PPARGC1A: variants seen among roughly 807,000 people sequenced by gnomAD.
PPARGC1A encodes the protein peroxisome proliferator-activated receptor gamma coactivator 1-alpha.
A neutral mutation model predicts 88.7 loss-of-function variants in PPARGC1A; 25 were observed. The ratio of observed to expected loss-of-function variants is 0.28; its 90% confidence interval spans 0.21 to 0.39. The LOEUF is 0.39. Ranked by LOEUF, PPARGC1A falls within the 10% of genes least tolerant of loss-of-function variation. The pLI, the probability that PPARGC1A is intolerant of heterozygous loss-of-function variation, is 1.00. For synonymous variants in PPARGC1A, 363 were observed against 355.6 expected (o/e 1.02, Z -0.24); for missense variants, 880 against 968.7 (o/e 0.91, Z 1.22).
At chr4:23,833,057 C>G (rs1022013038) in intron 2 of PPARGC1A, among the ~76,000 whole-genome samples, 17 of 152,168 alleles carry the variant, frequency 1.1e-4, no homozygotes, top group African/African-American at 3.9e-4. Context: ...CCAGGGACAT[C>G]TGAAGTGTGG....
chr4:24,010,782 C>T, the PPARGC1A span, among the ~76,000 whole-genome samples: 2 of 152,272 alleles, frequency 1.3e-5, no homozygotes, highest in South Asian at 4.1e-4. Flanking sequence ...CTCCTCTGAG[C>T]AGACTACATT....
chr4:23,846,047 G>A (rs1239486377), intron 2 of PPARGC1A, among the ~76,000 whole-genome samples: 1 of 152,134 alleles, frequency 6.6e-6, no homozygotes, highest in Non-Finnish European at 1.5e-5. Flanking sequence ...TAACCTCAAA[G>A]GGGGATTTTA....
At chr4:24,056,683 C>T in the PPARGC1A span, among the ~76,000 whole-genome samples, 1 of 152,142 alleles carries the variant, frequency 6.6e-6, no homozygotes, top group Middle Eastern at 3.2e-3. Flanking sequence ...ATGTCCTGAT[C>T]TGTAAAATGA....
At chr4:23,943,022 T>G in the PPARGC1A span, among the ~76,000 whole-genome samples, 1 of 152,208 alleles carries the variant, frequency 6.6e-6, no homozygotes, top group Non-Finnish European at 1.5e-5. Context: ...GCAGGAATAA[T>G]TGAAGCTTTT....
At chr4:23,910,350 A>ATAT in the PPARGC1A span, among the ~76,000 whole-genome samples, 206 of 64,016 alleles carry the variant, frequency 3.2e-3, 4 homozygotes, top group Non-Finnish European at 4.3e-3. Context: ...ATTATATATT[A>ATAT]TATATATTAT....
At chr4:24,223,870 T>C in the PPARGC1A span, among the ~76,000 whole-genome samples, 1 of 152,230 alleles carries the variant, frequency 6.6e-6, no homozygotes, top group Admixed American at 6.5e-5. Context: ...TTCCTTCACT[T>C]AGCATTCCAC....
chr4:23,981,715 G>A, the PPARGC1A span, among the ~76,000 whole-genome samples: 2 of 152,138 alleles, frequency 1.3e-5, no homozygotes, highest in South Asian at 2.1e-4. Context: ...ATTTCCCCAT[G>A]TGTGTACTAT....
At chr4:24,050,871 G>T in the PPARGC1A span, among the ~76,000 whole-genome samples, 2 of 152,046 alleles carry the variant, frequency 1.3e-5, no homozygotes, top group African/African-American at 2.4e-5. Context: ...ATTTTATTTA[G>T]AACCTAACCT....
At chr4:24,145,845 T>G in the PPARGC1A span, among the ~76,000 whole-genome samples, 1 of 152,180 alleles carries the variant, frequency 6.6e-6, no homozygotes. Flanking sequence ...TTCACTATAT[T>G]ATCGAAGTCA....
At chr4:23,982,277 T>C in the PPARGC1A span, among the ~76,000 whole-genome samples, 4,129 of 152,330 alleles carry the variant, frequency 0.027, 89 homozygotes, top group Middle Eastern at 0.071. Flanking sequence ...CAATCAGTCC[T>C]AGGCTGAAAT....
the PPARGC1A span, among the ~76,000 whole-genome samples, chr4:23,982,236 A>G: frequency 8.3e-5 from 9 of 109,050 alleles, no homozygotes; most frequent in African/African-American, 3.3e-4. Flanking sequence ...TAAACAAAAG[A>G]AAAGTTTGTT....
chr4:24,294,288 T>C, the PPARGC1A span, among the ~76,000 whole-genome samples: 10 of 152,312 alleles, frequency 6.6e-5, no homozygotes, highest in East Asian at 1.9e-3. Flanking sequence ...ATGAAAATCA[T>C]GATCAGAAAA....
chr4:23,849,458 C>A (rs1213912414), intron 2 of PPARGC1A, among the ~76,000 whole-genome samples: 1 of 152,040 alleles, frequency 6.6e-6, no homozygotes, highest in Non-Finnish European at 1.5e-5. Context: ...TAAAAAGGCT[C>A]ACAGATATTG....
the PPARGC1A span, among the ~76,000 whole-genome samples, chr4:23,958,107 G>T: frequency 6.6e-6 from 1 of 152,078 alleles, no homozygotes; most frequent in South Asian, 2.1e-4. Flanking sequence ...TTGGAGGAAT[G>T]AAACTTTTAC....
At chr4:24,259,395 A>C in the PPARGC1A span, among the ~76,000 whole-genome samples, 3 of 152,104 alleles carry the variant, frequency 2.0e-5, no homozygotes, top group Non-Finnish European at 4.4e-5. Context: ...CTTCCCTTTC[A>C]TCAGATCTCT....
chr4:24,084,429 C>G, the PPARGC1A span, among the ~76,000 whole-genome samples: 1 of 152,340 alleles, frequency 6.6e-6, no homozygotes, highest in African/African-American at 2.4e-5. Context: ...TTCGTGAAGA[C>G]AGTGACTGAG....
chr4:24,387,934 G>GAAAGAAAGAAAGAAAGAAAGAAAGAA, the PPARGC1A span, among the ~76,000 whole-genome samples: 44 of 71,516 alleles, frequency 6.2e-4, 1 homozygote, highest in Middle Eastern at 5.2e-3. Flanking sequence ...AAGAAAGAAA[G>GAAAGAAAGAAAGAAAGAAAGAAAGAA]AGAAAGAAAG....
chr4:23,845,457 C>T (rs1479231755), intron 2 of PPARGC1A, among the ~76,000 whole-genome samples: 2 of 151,990 alleles, frequency 1.3e-5, no homozygotes, highest in African/African-American at 4.8e-5. Flanking sequence ...ATGCAGGTAA[C>T]GTCAAATGAT....
the PPARGC1A span, among the ~76,000 whole-genome samples, chr4:24,188,083 C>T: frequency 6.6e-6 from 1 of 152,258 alleles, no homozygotes; most frequent in Non-Finnish European, 1.5e-5. Context: ...GTGTGCAGCT[C>T]TAATATAATT....
Sources: gnomAD v4.1 joint callset for allele counts (sites outside exome capture counted in the v4.1 genomes callset) on GRCh38, gnomAD v4.1.1 for gene constraint, MANE v1.5 for transcripts, NCBI Gene and HGNC (gene_info 2026-07-23, HGNC 2026-07-21) for gene names.